PARD3B: variants seen among roughly 807,000 people sequenced by gnomAD.
The protein encoded by PARD3B is partitioning defective 3 homolog B.
In PARD3B, 103 loss-of-function variants were observed where a neutral mutation model predicts 130.2. The ratio of observed to expected loss-of-function variants is 0.79; its 90% CI spans 0.67 to 0.93. The LOEUF (loss-of-function observed/expected upper bound fraction) is 0.93. Among genes scored for constraint, PARD3B ranks in the 40% least tolerant of loss-of-function variants. The probability of loss-of-function intolerance (pLI) is 0.00; values close to 1 mark genes in which losing one functional copy is unlikely to be tolerated. For synonymous variants in PARD3B, 583 were observed against 553.2 expected (o/e 1.05, Z -0.76); for missense variants, 1,609 against 1,499.2 (o/e 1.07, Z -1.21).
intron 16 of PARD3B, among the ~76,000 whole-genome samples, chr2:205,272,368 A>G (rs879304088): frequency 6.6e-6 from 1 of 152,132 alleles, no homozygotes; most frequent in African/African-American, 2.4e-5. Context: ...TTATATTTGT[A>G]TCTGATAGAC....
chr2:204,547,267 T>C (rs144433600), intron 1 of PARD3B, among the ~76,000 whole-genome samples: 92 of 152,326 alleles, frequency 6.0e-4, no homozygotes, highest in African/African-American at 2.0e-3. Context: ...TGAAGAATTA[T>C]TATACAGAAA....
At chr2:205,106,371 A>G (rs1703213967) in intron 5 of PARD3B, among the ~76,000 whole-genome samples, 1 of 151,504 alleles carries the variant, frequency 6.6e-6, no homozygotes, top group Non-Finnish European at 1.5e-5. Flanking sequence ...CTGGTCTCGA[A>G]CTCCTAACCT....
chr2:205,561,467 CAA>C (rs1363640075), intron 22 of PARD3B, among the ~76,000 whole-genome samples: 1 of 152,152 alleles, frequency 6.6e-6, no homozygotes, highest in East Asian at 1.9e-4. Flanking sequence ...TAAAAGCTGA[CAA>C]AGTCTCCATG....
chr2:204,766,704 AC>A (rs1302833572), intron 2 of PARD3B, among the ~76,000 whole-genome samples: 2 of 152,010 alleles, frequency 1.3e-5, no homozygotes, highest in Non-Finnish European at 2.9e-5. Context: ...AACCAGAGGA[AC>A]TAAAAAAAAA....
At chr2:204,844,174 T>C (rs1342401642) in intron 2 of PARD3B, among the ~76,000 whole-genome samples, 4 of 152,184 alleles carry the variant, frequency 2.6e-5, no homozygotes, top group African/African-American at 7.2e-5. Flanking sequence ...TGTGCACTTA[T>C]GTTTGTTTTT....
intron 15 of PARD3B, among the ~76,000 whole-genome samples, chr2:205,238,248 A>G (rs2039156690): frequency 6.6e-6 from 1 of 152,218 alleles, no homozygotes; most frequent in African/African-American, 2.4e-5. Flanking sequence ...TTTGCAATTC[A>G]GAAGAAATAG....
chr2:205,255,835 AC>A lies in PARD3B; in HGVS notation c.2185+10016del, dbSNP rs548364206. Among the ~76,000 whole-genome samples, 26 of 152,128 alleles carry A rather than the reference AC, an allele frequency of 1.7e-4. No individual in the cohort carries two copies. In the South Asian group the frequency reaches 3.3e-3, roughly 19 times the overall value. On this transcript the variant is annotated intron_variant, in intron 16 of 22. Transcript: ENST00000406610. ...GTTCAGCAATCTAGGAGCTTTCCAA[AC>A]CCTGTGCTCTTGGGCTATTATGGAG...
intron 2 of PARD3B, among the ~76,000 whole-genome samples, chr2:204,881,404 G>A (rs2046041147): frequency 6.6e-6 from 1 of 152,014 alleles, no homozygotes; most frequent in Non-Finnish European, 1.5e-5. Flanking sequence ...TCAGCAGATT[G>A]CTGTGTATTT....
At chr2:205,331,975 T>G (rs908136019) in intron 18 of PARD3B, among the ~76,000 whole-genome samples, 4 of 151,100 alleles carry the variant, frequency 2.6e-5, no homozygotes, top group African/African-American at 9.8e-5. Context: ...TGTGGTGGTG[T>G]GAGCCTGTAA....
At chr2:205,392,312 A>G (rs1388249981) in intron 18 of PARD3B, among the ~76,000 whole-genome samples, 1 of 152,230 alleles carries the variant, frequency 6.6e-6, no homozygotes, top group African/African-American at 2.4e-5. Context: ...TCCCTGATTC[A>G]GAATGAGAAA....
At chr2:205,612,994 C>T (rs2055291180) in intron 22 of PARD3B, among the ~76,000 whole-genome samples, 1 of 152,134 alleles carries the variant, frequency 6.6e-6, no homozygotes, top group South Asian at 2.1e-4. Flanking sequence ...TCTGCCCTGT[C>T]ACCACTTGAT....
At chr2:205,548,327 T>TCAGA (rs2106479940) in intron 21 of PARD3B, among the ~76,000 whole-genome samples, 1 of 152,254 alleles carries the variant, frequency 6.6e-6, no homozygotes, top group Admixed American at 6.5e-5. Flanking sequence ...TACTCAACGA[T>TCAGA]CAGACATCTC....
At chr2:205,019,220 A>G (rs1463942270) in intron 3 of PARD3B, among the ~76,000 whole-genome samples, 1 of 152,148 alleles carries the variant, frequency 6.6e-6, no homozygotes, top group Non-Finnish European at 1.5e-5. Flanking sequence ...TTTCATGTAA[A>G]TGAAATCATG....
chr2:204,757,570 T>G (rs2125401317), intron 2 of PARD3B, among the ~76,000 whole-genome samples: 1 of 152,312 alleles, frequency 6.6e-6, no homozygotes, highest in South Asian at 2.1e-4. Flanking sequence ...GAGAAGCATC[T>G]TTGTCCTCTG....
At chr2:204,752,799 G>A (rs988473907) in intron 2 of PARD3B, among the ~76,000 whole-genome samples, 3 of 151,970 alleles carry the variant, frequency 2.0e-5, no homozygotes, top group Admixed American at 1.3e-4. Flanking sequence ...GTACAATTGC[G>A]TGCCGTTCTC....
At chr2:205,154,776 C>A (rs184478559) in intron 10 of PARD3B, among the ~76,000 whole-genome samples, 1 of 152,264 alleles carries the variant, frequency 6.6e-6, no homozygotes, top group African/African-American at 2.4e-5. Context: ...AACCATCATT[C>A]TGAGCAAACT....
At chr2:204,764,423 C>T (rs1256537762) in intron 2 of PARD3B, among the ~76,000 whole-genome samples, 3 of 152,034 alleles carry the variant, frequency 2.0e-5, no homozygotes, top group African/African-American at 4.8e-5. Context: ...TAAGCAAGTT[C>T]CCCCGTGCAA....
Position 205,253,504 on chromosome 2 carries a change from G to T in PARD3B, c.2185+7682G>T, listed in dbSNP as rs2039946001. ...AACTTGGCGGGCACTGGAAGTACCT[G>T]GGGAAGCAGGAGAGACTCACACTGC... is the stretch of plus-strand genomic sequence containing the variant. On this transcript the variant is annotated intron_variant, in intron 16 of 22. Transcript: ENST00000406610. This position sits in a 1 kb window ranked among gnomAD's most constrained non-coding sequence, Gnocchi z 4.4. 1 of 553,564 alleles carries T rather than the reference G, an allele frequency of 1.8e-6. No individual in the cohort carries two copies. Among genetic ancestry groups the T allele is most frequent in the South Asian group, 1.4e-5 (1 of 72,066 alleles). The allele number at this position is 553,564 out of a possible 1,614,324, so 34.3% of individuals were successfully genotyped here.
chr2:205,227,645 T>G (rs1361179738), intron 15 of PARD3B, among the ~76,000 whole-genome samples: 1 of 152,124 alleles, frequency 6.6e-6, no homozygotes, highest in African/African-American at 2.4e-5. Flanking sequence ...AGCCACTCTG[T>G]GTCTATTGAT....
Sources: allele counts gnomAD v4.1 joint callset (sites outside exome capture counted in the v4.1 genomes callset), GRCh38; gene constraint gnomAD v4.1.1; non-coding constraint Gnocchi (gnomAD v3.1); transcripts MANE v1.5; gene names NCBI Gene and HGNC (gene_info 2026-07-23, HGNC 2026-07-21).